The following A2ML1 variants were observed in gnomAD, a reference collection of about 807,000 sequenced individuals.
A2ML1 encodes the protein alpha-2-macroglobulin like 1.
A neutral mutation model predicts 181.9 loss-of-function variants in A2ML1; 161 were observed. The observed-to-expected ratio is 0.89, with a 90% confidence interval of 0.78 to 1.01. A2ML1 has a LOEUF of 1.01. Among genes scored for constraint, A2ML1 ranks in the 50% least tolerant of loss-of-function variants. The pLI is 0.00. For missense variants in A2ML1, 1,670 were observed against 1,768.1 expected, an observed-to-expected ratio of 0.94 and a Z score of 1.00; for synonymous variants, 663 against 666.8, an observed-to-expected ratio of 0.99 and a Z score of 0.09.
At chr12:8,857,751 C>T (rs753850861) in intron 25 of A2ML1, 163 bp downstream of exon 25, 17 of 1,098,702 alleles carry the variant, frequency 1.5e-5, no homozygotes, top group East Asian at 1.5e-4. Context: ...TCAAGTCCCT[C>T]GATCTTCCTG....
Position 8,868,032 on chromosome 12 carries a change from C to T in A2ML1, c.3908C>T (p.Ser1303Leu), listed in dbSNP as rs1944480550. Residue 1303 changes from serine to leucine, a missense_variant, in exon 30 of 36, where the codon TCA (serine) becomes TTA (leucine). Coordinates refer to ENST00000299698, the MANE Select transcript of A2ML1 (RefSeq NM_144670.6). Reference sequence around the variant, plus strand: ...CCTGGAATGTACACGTTGGAGGCCTCAGGCCAGGGCTGTGTCTATGTGCAG... The same window carrying T: ...CCTGGAATGTACACGTTGGAGGCCTTAGGCCAGGGCTGTGTCTATGTGCAG... ...NVPGMYTLEA[S>L]GQGCVYVQTV... The T allele has an allele frequency of 1.2e-6, 2 of 1,614,220 alleles. No homozygotes were observed. Among genetic ancestry groups the T allele is most frequent in the Middle Eastern group, 1.6e-4 (1 of 6,062 alleles).
intron 3 of A2ML1, among the ~76,000 whole-genome samples, chr12:8,827,128 A>G (rs573287341): frequency 4.6e-5 from 7 of 151,902 alleles, no homozygotes; most frequent in Non-Finnish European, 1.0e-4. Flanking sequence ...ATCACCTGAG[A>G]TGAGTATTTC....
chr12:8,837,373 T>C, intron 7 of A2ML1, 67 bp from the exon 8 acceptor site: 1 of 1,583,246 alleles, frequency 6.3e-7, no homozygotes, highest in East Asian at 2.3e-5. Context: ...AGAAGTGGTG[T>C]TTGAGGGAAG....
At chr12:8,834,999 T>A in intron 5 of A2ML1, 1 of 391,882 alleles carries the variant, frequency 2.6e-6, no homozygotes, top group Non-Finnish European at 4.6e-6. Flanking sequence ...TGTAAGGTAA[T>A]AGCCCTTGCC....
rs1486683935 is a variant in A2ML1, at chr12:8,868,023, T to C, written c.3899T>C (p.Leu1300Ser). 2 of 1,614,120 alleles carry C rather than the reference T, an allele frequency of 1.2e-6. No individual in the cohort carries two copies. Among genetic ancestry groups the C allele is most frequent in the Non-Finnish European group, 1.7e-6 (2 of 1,180,056 alleles). Residue 1300 changes from leucine (L) to serine (S), a missense_variant, in exon 30 of 36, where the codon TTG (leucine) becomes TCG (serine). Coordinates refer to ENST00000299698, the MANE Select transcript of A2ML1 (RefSeq NM_144670.6). Reference protein sequence around the residue: ...TLPNVPGMYTLEASGQGCVYV... With the variant: ...TLPNVPGMYTSEASGQGCVYV... ...CCCAATGTCCCTGGAATGTACACGT[T>C]GGAGGCCTCAGGCCAGGGCTGTGTC...
intron 10 of A2ML1, among the ~76,000 whole-genome samples, chr12:8,841,021 A>AC (rs1592119801): frequency 0.023 from 2,856 of 122,838 alleles, 52 homozygotes; most frequent in Middle Eastern, 0.065. Context: ...GACGGAAGGA[A>AC]GGAAGGAAGG....
chr12:8,849,754 T>C lies in A2ML1; in HGVS notation c.2114T>C (p.Met705Thr), dbSNP rs748085779. The C allele has an allele frequency of 1.5e-5, 24 of 1,614,144 alleles. No individual in the cohort carries two copies. In the East Asian group the frequency reaches 4.9e-4, roughly 33 times the overall value. Residue 705 changes from methionine to threonine, a missense_variant, in exon 17 of 36, where the codon ATG becomes ACG. Coordinates refer to ENST00000299698, the MANE Select transcript of A2ML1 (RefSeq NM_144670.6). Reference protein sequence around the residue: ...SHRSPEYSTAMGAGGGHPEAF... With the variant: ...SHRSPEYSTATGAGGGHPEAF... Reference sequence around the variant, plus strand: ...AGATCTCCAGAATACAGCACTGCTATGGGTGGTAAGCCACCTCTGTGGTCT... The same window carrying C: ...AGATCTCCAGAATACAGCACTGCTACGGGTGGTAAGCCACCTCTGTGGTCT...
At chr12:8,881,179 TGCAA>T (rs1944866859), downstream of A2ML1, among the ~76,000 whole-genome samples, 1 of 152,134 alleles carries the variant, frequency 6.6e-6, no homozygotes, top group South Asian at 2.1e-4. Flanking sequence ...ATACGGGGCC[TGCAA>T]ATGAAACCGA....
chr12:8,854,165 C>A lies in A2ML1; in HGVS notation c.2628C>A (p.Asp876Glu). 6.2e-7 allele frequency: 1 copy of A among 1,605,164 alleles called. No homozygotes were observed. The highest frequency in any genetic ancestry group is 8.5e-7 in the Non-Finnish European group (1 of 1,175,470). Residue 876 changes from aspartate to glutamate, a missense_variant, in exon 21 of 36, where the codon GAC becomes GAA. Transcript: ENST00000299698. ...TTACTATTAGTACAAAGATTCTGGA[C>A]AGCAATGAACCATGTGGGGGCCAGA... ...INFTISTKIL[D>E]SNEPCGGQKG...
In A2ML1 at chr12:8,846,067, T is replaced by C; in HGVS notation, c.1538-10T>C. ...TCTGATTTTCCTGTATATTCCCTCT[T>C]CTCTTTCAGGACTGAAAGCCTCCTT... On this transcript the variant is annotated splice_polypyrimidine_tract_variant and intron_variant, in intron 13 of 35. Transcript: ENST00000299698. 6.2e-7 allele frequency: 1 copy of C among 1,613,964 alleles called. No homozygotes were observed. The highest frequency in any genetic ancestry group is 8.5e-7 in the Non-Finnish European group (1 of 1,179,950).
In A2ML1 at chr12:8,841,507, G is replaced by A. The variant is rs921912575; in HGVS notation, c.1219G>A (p.Gly407Ser). 14 of 1,614,016 alleles carry A rather than the reference G, an allele frequency of 8.7e-6. No homozygotes were observed. Among genetic ancestry groups the A allele is most frequent in the Middle Eastern group, 3.3e-4 (2 of 6,062 alleles). The change falls in exon 11 of 36, where the codon GGT becomes AGT. Residue 407 changes from glycine to serine, a missense_variant. Physicochemically the swap from Gly to Ser is moderately conservative, Grantham distance 56. Coordinates refer to ENST00000299698, the MANE Select transcript of A2ML1 (RefSeq NM_144670.6). ...GLAPFTLETS[G>S]WNGTDVSLEG... The stretch of plus-strand genomic sequence containing the variant: ...AGCTCCCTTTACCTTGGAGACATCC[G>A]GTTGGAATGGGACAGACGTTTCTCT...
chr12:8,843,711 CTTTT>C (rs951831310), intron 12 of A2ML1, among the ~76,000 whole-genome samples: 1 of 139,404 alleles, frequency 7.2e-6, no homozygotes, highest in Non-Finnish European at 1.6e-5. Context: ...TTCAATATTC[CTTTT>C]TTTTTCTTTT....
In A2ML1 at chr12:8,843,229, A is replaced by G. The variant is rs1198512586; in HGVS notation, c.1344A>G (p.Thr448=). Residue 448 remains threonine (T), a synonymous_variant, in exon 12 of 36, where the codon ACA becomes ACG. Transcript: ENST00000299698. The part of the protein sequence containing the change: ...AYLHLRPFYS[T]TRSFLGIHRL... ...TGCACCTGCGACCCTTCTACAGCAC[A>G]ACCCGCAGCTTCCTTGGCATCCACC... 2 of 1,614,092 alleles carry G rather than the reference A, an allele frequency of 1.2e-6. No individual in the cohort carries two copies. The highest frequency in any genetic ancestry group is 1.7e-6 in the Non-Finnish European group (2 of 1,180,048).
exon 8 of A2ML1, chr12:8,886,741 G>A (rs371381330): frequency 5.7e-4 from 87 of 152,232 alleles, no homozygotes; most frequent in African/African-American, 2.1e-3. Context: ...CTCTTCTGAA[G>A]ACATCAGTCA....
At chr12:8,872,391 G>C (rs1944656183) in intron 33 of A2ML1, among the ~76,000 whole-genome samples, 1 of 151,822 alleles carries the variant, frequency 6.6e-6, no homozygotes, top group African/African-American at 2.4e-5. Context: ...TATCATATTA[G>C]AAATTAAAAC....
At chr12:8,867,755 C>A in intron 29 of A2ML1, 87 bp from the exon 30 acceptor site, 2 of 1,208,480 alleles carry the variant, frequency 1.7e-6, no homozygotes, top group Admixed American at 1.8e-5. Context: ...CAACTAACAA[C>A]AACCAGATGT....
chr12:8,840,954 G>GGAAA (rs1943448971), intron 10 of A2ML1, among the ~76,000 whole-genome samples: 1 of 107,902 alleles, frequency 9.3e-6, no homozygotes, highest in African/African-American at 3.4e-5. Context: ...AAAGAAGGAA[G>GGAAA]GAAGGAAGGA....
chr12:8,865,480 G>A (rs201622497), intron 29 of A2ML1, among the ~76,000 whole-genome samples: 1 of 152,078 alleles, frequency 6.6e-6, no homozygotes, highest in African/African-American at 2.4e-5. Context: ...CAGAGGTTGC[G>A]GTGAGCCGAG....
chr12:8,887,207 C>G (rs149798330), downstream of A2ML1, among the ~76,000 whole-genome samples: 147 of 152,008 alleles, frequency 9.7e-4, no homozygotes, highest in African/African-American at 3.3e-3. Flanking sequence ...TTGGGGAACA[C>G]ATTTCAGTTC....
Sources: gnomAD v4.1 joint callset for allele counts (sites outside exome capture counted in the v4.1 genomes callset) on GRCh38, gnomAD v4.1.1 for gene constraint, MANE v1.5 for transcripts, NCBI Gene and HGNC (gene_info 2026-07-23, HGNC 2026-07-21) for gene names.